Variants in DLGAP2 observed in about 807,000 individuals in gnomAD.
DLGAP2 encodes the protein DLG associated protein 2.
In DLGAP2, 26 loss-of-function variants were observed where a neutral mutation model predicts 100.3. The ratio of observed to expected loss-of-function variants is 0.26; its 90% confidence interval spans 0.19 to 0.36. The LOEUF (loss-of-function observed/expected upper bound fraction) is 0.36. DLGAP2 is among the 10% of genes least tolerant of loss of function. The pLI is 1.00. For missense variants in DLGAP2, 1,858 were observed against 1,453.2 expected (o/e 1.28, Z -4.53); for synonymous variants, 886 against 630.1 (o/e 1.41, Z -6.08).
chr8:988,953 T>G (rs745898513), intron 2 of DLGAP2, among the ~76,000 whole-genome samples: 24 of 152,274 alleles, frequency 1.6e-4, no homozygotes, highest in Non-Finnish European at 2.8e-4. Flanking sequence ...GATTTTTACC[T>G]CTTTTCTTCT....
At chr8:831,364 C>A (rs1162135581) in intron 1 of DLGAP2, among the ~76,000 whole-genome samples, 1 of 141,454 alleles carries the variant, frequency 7.1e-6, no homozygotes, top group Non-Finnish European at 1.6e-5. Context: ...ATCCCTACCC[C>A]AGCCCCCCAT....
intron 2 of DLGAP2, among the ~76,000 whole-genome samples, chr8:975,258 C>A (rs1800133592): frequency 6.6e-6 from 1 of 152,154 alleles, no homozygotes; most frequent in South Asian, 2.1e-4. Context: ...TAATAACTTT[C>A]CAAAACAGTA....
At chr8:1,421,379 A>G (rs904401310) in intron 3 of DLGAP2, among the ~76,000 whole-genome samples, 1 of 152,178 alleles carries the variant, frequency 6.6e-6, no homozygotes, top group Non-Finnish European at 1.5e-5. Flanking sequence ...ACTGCAGTTC[A>G]TCAATCAACA....
At chr8:972,049 T>G (rs920721344) in intron 2 of DLGAP2, among the ~76,000 whole-genome samples, 4 of 152,264 alleles carry the variant, frequency 2.6e-5, no homozygotes, top group South Asian at 2.1e-4. Context: ...CAGGTCCTAT[T>G]TAAGAAGTCA....
intron 2 of DLGAP2, among the ~76,000 whole-genome samples, chr8:943,206 C>T (rs956260532): frequency 6.6e-6 from 1 of 152,174 alleles, no homozygotes; most frequent in African/African-American, 2.4e-5. Flanking sequence ...CAGTTGAGTG[C>T]TCAGACACAG....
chr8:814,096 G>C (rs1348677153), intron 1 of DLGAP2, among the ~76,000 whole-genome samples: 1 of 152,212 alleles, frequency 6.6e-6, no homozygotes, highest in Non-Finnish European at 1.5e-5. Flanking sequence ...GAAGGTTTCA[G>C]ATTTCTTCTG....
At chr8:925,592 C>G (rs913625589) in intron 2 of DLGAP2, among the ~76,000 whole-genome samples, 1 of 152,120 alleles carries the variant, frequency 6.6e-6, no homozygotes, top group African/African-American at 2.4e-5. Flanking sequence ...GTGGGCTTTG[C>G]AGGTGTATTA....
chr8:1,587,019 C>G (rs186392127), intron 6 of DLGAP2, among the ~76,000 whole-genome samples: 1 of 152,154 alleles, frequency 6.6e-6, no homozygotes, highest in African/African-American at 2.4e-5. Flanking sequence ...TAGTTTAACC[C>G]CTGCCTCTGG....
intron 6 of DLGAP2, among the ~76,000 whole-genome samples, chr8:1,615,563 T>C (rs923304574): frequency 4.0e-5 from 6 of 151,774 alleles, no homozygotes; most frequent in Non-Finnish European, 5.9e-5. Flanking sequence ...ACCGGAAAGA[T>C]CTTTAAAGCA....
rs976148002 is a variant in DLGAP2 at position 1,093,867 on chromosome 8, A to G, written c.74-164984A>G. Among the ~76,000 whole-genome samples, 5 of 152,324 alleles carry G rather than the reference A, an allele frequency of 3.3e-5. No homozygotes were observed. In the East Asian group the frequency reaches 7.7e-4, roughly 24 times the overall value. On this transcript the variant is annotated intron_variant, in intron 2 of 14. Coordinates refer to ENST00000637795, the MANE Select transcript of DLGAP2 (RefSeq NM_001346810.2). ...GTCTGGAATGAGAGTTGGGGTCTCA[A>G]AGGTGACGATGGGTGCCAGCCGAGG...
intron 5 of DLGAP2, among the ~76,000 whole-genome samples, chr8:1,560,659 C>T (rs1172603380): frequency 6.6e-6 from 1 of 152,232 alleles, no homozygotes; most frequent in Non-Finnish European, 1.5e-5. Context: ...GGCCTGAAGA[C>T]ACGGAGATAA....
intron 2 of DLGAP2, among the ~76,000 whole-genome samples, chr8:1,025,241 C>T (rs1483644802): frequency 1.3e-5 from 2 of 152,144 alleles, no homozygotes; most frequent in African/African-American, 2.4e-5. Flanking sequence ...TCCAAACAAG[C>T]AAACACGGTG....
At chr8:1,006,998 C>T (rs1343533051) in intron 2 of DLGAP2, among the ~76,000 whole-genome samples, 2 of 151,776 alleles carry the variant, frequency 1.3e-5, no homozygotes, top group Admixed American at 1.3e-4. Flanking sequence ...GGTCCTTTAT[C>T]ACGTCAGGGA....
Position 1,420,170 on chromosome 8 carries a change from A to AGG in DLGAP2, c.107-81195_107-81194dup, listed in dbSNP as rs542019748. 2.6e-5 allele frequency among the ~76,000 whole-genome samples: 4 copies of AGG among 152,254 alleles called. No homozygotes were observed. In the South Asian group the frequency reaches 8.3e-4, roughly 32 times the overall value. Reference sequence around the variant, plus strand: ...CTCTAATCACAAGGCTAGTTCCCTGAGGACTGCCTTATCCTGAGGCTCTCC... The same window carrying AGG: ...CTCTAATCACAAGGCTAGTTCCCTGAGGGGACTGCCTTATCCTGAGGCTCTCC... On this transcript the variant is annotated intron_variant, in intron 3 of 14. Coordinates refer to ENST00000637795, the MANE Select transcript of DLGAP2 (RefSeq NM_001346810.2).
chr8:1,132,822 G>A (rs142929966), intron 2 of DLGAP2, among the ~76,000 whole-genome samples: 53 of 152,336 alleles, frequency 3.5e-4, no homozygotes, highest in African/African-American at 1.1e-3. Context: ...ACGCCCAGTC[G>A]CTGGGGCTCA....
chr8:1,446,584 T>C lies in DLGAP2; in HGVS notation c.107-54782T>C, dbSNP rs542723944. On this transcript the variant is annotated intron_variant, in intron 3 of 14. Coordinates refer to ENST00000637795, the MANE Select transcript of DLGAP2 (RefSeq NM_001346810.2). ...TGACTTGGCGATGCGGGCTCTTTTTTGGTTCCATATGAACTTTAAAGTAGT... is the reference window on the plus strand; with the variant it reads ...TGACTTGGCGATGCGGGCTCTTTTTCGGTTCCATATGAACTTTAAAGTAGT... 2.0e-5 allele frequency among the ~76,000 whole-genome samples: 3 copies of C among 152,272 alleles called. No homozygotes were observed. The South Asian group carries it at 6.2e-4, about 32-fold the overall frequency.
At chr8:767,972 A>AT (rs1268234278) in intron 1 of DLGAP2, among the ~76,000 whole-genome samples, 1 of 152,210 alleles carries the variant, frequency 6.6e-6, no homozygotes, top group African/African-American at 2.4e-5. Context: ...AACCAAAGAC[A>AT]TTAACTCAGA....
intron 6 of DLGAP2, among the ~76,000 whole-genome samples, chr8:1,577,355 G>A (rs1803024886): frequency 6.6e-6 from 1 of 152,024 alleles, no homozygotes; most frequent in Non-Finnish European, 1.5e-5. Flanking sequence ...GATCAACTGA[G>A]GTCAGGAGTT....
chr8:869,880 T>A (rs1056151794), intron 1 of DLGAP2, among the ~76,000 whole-genome samples: 1 of 151,990 alleles, frequency 6.6e-6, no homozygotes, highest in African/African-American at 2.4e-5. Context: ...AAAGGACACA[T>A]TCTGAGCAGC....
Sources: gnomAD v4.1 joint callset for allele counts (sites outside exome capture counted in the v4.1 genomes callset) on GRCh38, gnomAD v4.1.1 for gene constraint, MANE v1.5 for transcripts, NCBI Gene and HGNC (gene_info 2026-07-23, HGNC 2026-07-21) for gene names.